Variants in EFCAB8 observed in about 807,000 individuals in gnomAD.
The protein encoded by EFCAB8 is EF-hand calcium-binding domain-containing protein 8.
A neutral mutation model predicts 116.3 loss-of-function variants in EFCAB8; 100 were observed. The observed-to-expected ratio is 0.86, with a 90% CI of 0.73 to 1.02. The LOEUF is 1.02. Ranked by LOEUF, EFCAB8 falls within the 50% of genes least tolerant of loss-of-function variation. The pLI, the probability that EFCAB8 is intolerant of heterozygous loss-of-function variation, is 0.00. For missense variants in EFCAB8, 1,320 were observed against 1,416.9 expected (o/e 0.93, Z 1.10); for synonymous variants, 558 against 567.9 (o/e 0.98, Z 0.25).
chr20:32,903,342 C>T (rs989463242), intron 11 of EFCAB8: 1 of 152,404 alleles, frequency 6.6e-6, no homozygotes, highest in Non-Finnish European at 1.5e-5. Context: ...GAGCCTCCTT[C>T]TGTTGTCCTC....
chr20:32,884,275 C>T (rs1388714196), intron 5 of EFCAB8, among the ~76,000 whole-genome samples: 1 of 152,200 alleles, frequency 6.6e-6, no homozygotes. Context: ...AATGCAGCCT[C>T]TCATCTGATC....
At chr20:32,929,601 C>G (rs1987815237) in intron 20 of EFCAB8, among the ~76,000 whole-genome samples, 1 of 151,610 alleles carries the variant, frequency 6.6e-6, no homozygotes, top group South Asian at 2.1e-4. Context: ...CTCGGCCTCC[C>G]AAAGTGCTAG....
At position 32,895,567 on chromosome 20, in the gene EFCAB8, C is replaced by T. The variant is rs1194961645; in HGVS notation, c.884-887C>T. Among the ~76,000 whole-genome samples, 5 of 134,668 alleles carry T rather than the reference C, an allele frequency of 3.7e-5. No homozygotes were observed. The East Asian group carries it at 6.5e-4, about 17-fold the overall frequency. 88.3% of individuals were successfully genotyped at this position (134,668 alleles called of 152,430 possible). A position where few individuals can be genotyped will look rare whatever the true frequency, so the allele number is the denominator to read the frequency against. Reference sequence around the variant, plus strand: ...GTCCAGACTGGTATCTTTTTTCTTTCTTTCTTTCTTTTTTTTTTTTTTAAG... The same window carrying T: ...GTCCAGACTGGTATCTTTTTTCTTTTTTTCTTTCTTTTTTTTTTTTTTAAG... On this transcript the variant is annotated intron_variant, in intron 9 of 26. Coordinates refer to ENST00000400522, the MANE Select transcript of EFCAB8 (RefSeq NM_001143967.2).
chr20:32,934,259 A>G (rs965793874), intron 22 of EFCAB8, among the ~76,000 whole-genome samples: 6 of 150,380 alleles, frequency 4.0e-5, no homozygotes, highest in Non-Finnish European at 1.5e-5. Flanking sequence ...AGATTAATCT[A>G]TGTTGTCCCA....
chr20:32,931,752 C>T (rs865955266), intron 22 of EFCAB8, among the ~76,000 whole-genome samples: 13 of 144,750 alleles, frequency 9.0e-5, no homozygotes, highest in East Asian at 1.9e-4. Context: ...AGCAAGACTT[C>T]GTTTCAAAAA....
intron 20 of EFCAB8, 42 bp downstream of exon 20, chr20:32,920,257 GTGGGCGGTCAGGAT>G: frequency 6.5e-7 from 1 of 1,547,852 alleles, no homozygotes. Context: ...GAGCTGGGGA[GTGGGCGGTCAGGAT>G]TGGGTGGTCA....
intron 19 of EFCAB8, among the ~76,000 whole-genome samples, chr20:32,918,848 G>A (rs1051651089): frequency 2.6e-5 from 4 of 152,296 alleles, no homozygotes; most frequent in African/African-American, 9.6e-5. Flanking sequence ...GACCCAAAGA[G>A]AACACAACCC....
intron 6 of EFCAB8, 32 bp downstream of exon 6, chr20:32,885,672 TG>T: frequency 6.5e-7 from 1 of 1,548,848 alleles, no homozygotes; most frequent in Non-Finnish European, 8.7e-7. Flanking sequence ...GGTGCACACA[TG>T]GGTGATTGGA....
At chr20:32,879,729 C>T (rs1426703142) in intron 5 of EFCAB8, among the ~76,000 whole-genome samples, 2 of 152,138 alleles carry the variant, frequency 1.3e-5, no homozygotes, top group South Asian at 2.1e-4. Context: ...GATTCTTGTC[C>T]GTGTCCCTGT....
At chr20:32,948,351 G>T (rs1202780592) in intron 23 of EFCAB8, among the ~76,000 whole-genome samples, 1 of 152,002 alleles carries the variant, frequency 6.6e-6, no homozygotes, top group Admixed American at 6.6e-5. Context: ...TCCTTACAAA[G>T]ATACCTCCAG....
chr20:32,901,938 G>A (rs531430201), intron 11 of EFCAB8, among the ~76,000 whole-genome samples: 28 of 152,176 alleles, frequency 1.8e-4, no homozygotes, highest in Non-Finnish European at 2.5e-4. Context: ...CGCCCGCCTC[G>A]GCCTCCCAAA....
At chr20:32,896,618 T>C in intron 10 of EFCAB8, 91 bp downstream of exon 10, 1 of 693,386 alleles carries the variant, frequency 1.4e-6, no homozygotes, top group Non-Finnish European at 2.7e-6. Context: ...ATTTACTCCC[T>C]GGGTTCAGTC....
intron 5 of EFCAB8, among the ~76,000 whole-genome samples, chr20:32,884,669 A>G (rs1356602943): frequency 6.6e-6 from 1 of 152,218 alleles, no homozygotes; most frequent in Non-Finnish European, 1.5e-5. Context: ...CACAGTGCCT[A>G]GGTTCTAGTT....
intron 20 of EFCAB8, among the ~76,000 whole-genome samples, chr20:32,928,233 A>ATTTTTTTTTTTTTTTTTTTTTTT: frequency 7.7e-6 from 1 of 130,246 alleles, no homozygotes. Context: ...AATGCAACTG[A>ATTTTTTTTTTTTTTTTTTTTTTT]TTTTTTATTT....
At position 32,917,427 on chromosome 20, in the gene EFCAB8, C is replaced by T. The variant is rs777116261; in HGVS notation, c.1983C>T (p.Leu661=). The change falls in exon 18 of 27, where the codon CTC becomes CTT. Residue 661 remains leucine, a synonymous_variant. Coordinates refer to ENST00000400522, the MANE Select transcript of EFCAB8 (RefSeq NM_001143967.2). ...CCTCCTCCTACAGTGGGGACATCCT[C>T]TTCTGGAACACCGGCACACTCAAGC... The part of the protein sequence containing the change: ...LGTSSYSGDI[L]FWNTGTLKPI... 34 of 1,552,008 alleles carry T rather than the reference C, an allele frequency of 2.2e-5. No individual in the cohort carries two copies. The South Asian group carries it at 3.8e-4, about 17-fold the overall frequency.
chr20:32,951,571 G>A (rs1430357793), intron 23 of EFCAB8, among the ~76,000 whole-genome samples: 5 of 152,174 alleles, frequency 3.3e-5, no homozygotes, highest in African/African-American at 4.8e-5. Context: ...GGGTTGGAAG[G>A]GTGGGAGCTC....
At chr20:32,879,858 G>T (rs1270864140) in intron 5 of EFCAB8, among the ~76,000 whole-genome samples, 1 of 152,134 alleles carries the variant, frequency 6.6e-6, no homozygotes, top group African/African-American at 2.4e-5. Flanking sequence ...ATGCTGCGGT[G>T]CCCTATTTGG....
chr20:32,896,175 C>A (rs980945828), intron 9 of EFCAB8, among the ~76,000 whole-genome samples: 2 of 152,188 alleles, frequency 1.3e-5, no homozygotes, highest in African/African-American at 2.4e-5. Context: ...ATTGCAGCAC[C>A]TAGGAAGCGT....
In EFCAB8 at chr20:32,917,142, A is replaced by T. The variant is rs558077504; in HGVS notation, c.1857-159A>T. On this transcript the variant is annotated intron_variant, in intron 17 of 26. Coordinates refer to ENST00000400522, the MANE Select transcript of EFCAB8 (RefSeq NM_001143967.2). ...AGAAAGCATGTAGTAAGCGCTTAGTAAATGAGGTCAATGGGACATGGCTTC... is the reference window on the plus strand; with the variant it reads ...AGAAAGCATGTAGTAAGCGCTTAGTTAATGAGGTCAATGGGACATGGCTTC... 1.5e-4 allele frequency: 92 copies of T among 617,648 alleles called. 1 individual carries two copies. Among genetic ancestry groups the T allele is most frequent in the Middle Eastern group, 1.3e-3 (3 of 2,302 alleles). 38.3% of individuals were successfully genotyped at this position (617,648 alleles called of 1,614,324 possible).
Sources: allele counts gnomAD v4.1 joint callset (sites outside exome capture counted in the v4.1 genomes callset), GRCh38; gene constraint gnomAD v4.1.1; transcripts MANE v1.5; gene names NCBI Gene and HGNC (gene_info 2026-07-23, HGNC 2026-07-21).